PAX2: variants seen among roughly 807,000 people sequenced by gnomAD.
PAX2 encodes the protein paired box protein Pax-2.
A neutral mutation model predicts 41.7 loss-of-function variants in PAX2; 9 were observed. The observed-to-expected ratio is 0.22, with a 90% CI of 0.13 to 0.38. The LOEUF is 0.38. PAX2 is among the 10% of genes least tolerant of loss of function. The pLI, the probability that PAX2 is intolerant of heterozygous loss-of-function variation, is 1.00. For missense variants in PAX2, 418 were observed against 531.6 expected (o/e 0.79, Z 2.10); for synonymous variants, 221 against 212.7 (o/e 1.04, Z -0.34).
At chr10:100,823,210 C>G (rs1848428016) in intron 7 of PAX2, among the ~76,000 whole-genome samples, 1 of 152,106 alleles carries the variant, frequency 6.6e-6, no homozygotes. Context: ...TTATGATATT[C>G]AAGATCATAA....
chr10:100,804,565 T>C (rs867019239), intron 5 of PAX2, among the ~76,000 whole-genome samples: 22 of 152,146 alleles, frequency 1.4e-4, no homozygotes, highest in African/African-American at 5.3e-4. Context: ...GAAATGAGGA[T>C]GATGGCACAT....
At chr10:100,782,950 C>T (rs867383401) in intron 5 of PAX2, among the ~76,000 whole-genome samples, 20 of 152,216 alleles carry the variant, frequency 1.3e-4, no homozygotes, top group African/African-American at 4.6e-4. Flanking sequence ...GGTGAGAGGC[C>T]CAGCAGCCCA....
At chr10:100,746,394 G>A (rs1411271195) in intron 1 of PAX2, 91 bp downstream of exon 1, 12 of 912,068 alleles carry the variant, frequency 1.3e-5, no homozygotes, top group Non-Finnish European at 2.0e-5. Context: ...CTCGCGCTCA[G>A]GTCCCATCTT....
chr10:100,784,942 G>A (rs1013874402), intron 5 of PAX2, among the ~76,000 whole-genome samples: 3 of 152,154 alleles, frequency 2.0e-5, no homozygotes, highest in Admixed American at 6.5e-5. Flanking sequence ...AAGAGCCCAG[G>A]AGCTCCCAGA....
chr10:100,791,927 G>A lies in PAX2; in HGVS notation c.616+10562G>A, dbSNP rs1847135160. ...GCTTGTAGGAGCCGCCTGGGTGAGG[G>A]ACAGTGTGGGTGGTCTTGGGCAGTG... On this transcript the variant is annotated intron_variant, in intron 5 of 9. Coordinates refer to ENST00000355243, the MANE Select transcript of PAX2 (RefSeq NM_000278.5). The surrounding 1 kb of genome is among the most constrained non-coding windows in gnomAD (Gnocchi z 4.5). 1.3e-5 allele frequency among the ~76,000 whole-genome samples: 2 copies of A among 152,220 alleles called. No individual in the cohort carries two copies. The highest frequency in any genetic ancestry group is 6.5e-5 in the Admixed American group (1 of 15,290).
rs1305241690 is a variant in PAX2, at chr10:100,827,684, C to A, written c.*65C>A. On this transcript the variant is annotated 3_prime_UTR_variant, in exon 10 of 10. Transcript: ENST00000355243. The surrounding 1 kb of genome is among the most constrained non-coding windows in gnomAD (Gnocchi z 8.5). ...CGGCCTCCACATCGTCCCCGTCTGACCCCACCCCGGAGGGAGGGAGGACCG... is the reference window on the plus strand; with the variant it reads ...CGGCCTCCACATCGTCCCCGTCTGAACCCACCCCGGAGGGAGGGAGGACCG... 2 of 1,612,930 alleles carry A rather than the reference C, an allele frequency of 1.2e-6. No homozygotes were observed. The highest frequency in any genetic ancestry group is 8.5e-7 in the Non-Finnish European group (1 of 1,179,640).
At chr10:100,746,809 A>C (rs770585358) in intron 1 of PAX2, among the ~76,000 whole-genome samples, 8 of 152,134 alleles carry the variant, frequency 5.3e-5, no homozygotes, top group Non-Finnish European at 1.0e-4. Context: ...GGAGACTCCA[A>C]GAGTATTCAG....
At chr10:100,749,512 G>A (rs1340824939) in intron 1 of PAX2, 3 of 1,325,786 alleles carry the variant, frequency 2.3e-6, no homozygotes, top group Non-Finnish European at 1.9e-6. Context: ...TCTACCTTGC[G>A]TCGCAAGGCC....
rs990904704 is a variant in PAX2 at position 100,748,702 on chromosome 10, G to C, written c.44-1044G>C. On this transcript the variant is annotated intron_variant, in intron 1 of 9. Coordinates refer to ENST00000355243, the MANE Select transcript of PAX2 (RefSeq NM_000278.5). This position sits in a 1 kb window ranked among gnomAD's most constrained non-coding sequence, Gnocchi z 5.0. ...CAGTGGCCGCCTCGGTTCCGAGATCGGGAGCCCGCGCTGGAGCCGGGTTGG... is the reference window on the plus strand; with the variant it reads ...CAGTGGCCGCCTCGGTTCCGAGATCCGGAGCCCGCGCTGGAGCCGGGTTGG... 1.0e-6 allele frequency: 1 copy of C among 985,390 alleles called. No homozygotes were observed. Among genetic ancestry groups the C allele is most frequent in the Non-Finnish European group, 1.2e-6 (1 of 829,976 alleles). 61.0% of individuals were successfully genotyped at this position (985,390 alleles called of 1,614,324 possible). A position where few individuals can be genotyped will look rare whatever the true frequency, so the allele number is the denominator to read the frequency against.
In PAX2 at chr10:100,821,340, G is replaced by C. The variant is rs1227937496; in HGVS notation, c.920-3308G>C. 3.6e-4 allele frequency among the ~76,000 whole-genome samples: 55 copies of C among 152,172 alleles called. 2 individuals are homozygous for C. Among genetic ancestry groups the C allele is most frequent in the Non-Finnish European group, 1.0e-4 (7 of 68,028 alleles). On this transcript the variant is annotated intron_variant, in intron 7 of 9. Coordinates refer to ENST00000355243, the MANE Select transcript of PAX2 (RefSeq NM_000278.5). ...TTGCTGGCTCAGGGGTCCTGAACAG[G>C]GTACTCCTTTGTGGAGATACTGGTG... is the stretch of plus-strand genomic sequence containing the variant.
chr10:100,768,776 T>C (rs538446904), intron 3 of PAX2, among the ~76,000 whole-genome samples: 6 of 152,322 alleles, frequency 3.9e-5, no homozygotes, highest in Admixed American at 2.0e-4. Context: ...TAATTATATG[T>C]CAATTGAAAA....
At chr10:100,799,558 G>A (rs764626735) in intron 5 of PAX2, among the ~76,000 whole-genome samples, 12 of 152,170 alleles carry the variant, frequency 7.9e-5, no homozygotes, top group Non-Finnish European at 1.8e-4. Flanking sequence ...TTCAGAGTCC[G>A]ACATCCCTGA....
rs1339935149 is a variant in PAX2, at chr10:100,781,266, C to T, written c.517C>T (p.Pro173Ser). Residue 173 changes from proline (P) to serine (S), a missense_variant, in exon 5 of 10, where the codon CCT (proline) becomes TCT (serine). This residue lies in a region of PAX2 where 310 missense variants were observed against 325.2 expected (regional missense o/e 0.95). Coordinates refer to ENST00000355243, the MANE Select transcript of PAX2 (RefSeq NM_000278.5). ...TCCAGTTCCCAGCACGGCCTCCCCT[C>T]CTGTTTCCAGCGCCTCCAATGACCC... ...HTIVPSTASP[P>S]VSSASNDPVG... 6.2e-7 allele frequency: 1 copy of T among 1,613,946 alleles called. No homozygotes were observed. Among genetic ancestry groups the T allele is most frequent in the African/African-American group, 1.3e-5 (1 of 74,934 alleles).
chr10:100,749,972 G>A lies in PAX2; in HGVS notation c.212+58G>A, dbSNP rs1845374164. On this transcript the variant is annotated intron_variant, in intron 2 of 9. Coordinates refer to ENST00000355243, the MANE Select transcript of PAX2 (RefSeq NM_000278.5). Reference sequence around the variant, plus strand: ...TTGCCTACTTCCCCGGCCAGCCCTGGGTCTCCAGCTGGAGGACGTGGCTAA... The same window carrying A: ...TTGCCTACTTCCCCGGCCAGCCCTGAGTCTCCAGCTGGAGGACGTGGCTAA... The A allele has an allele frequency of 2.5e-6, 4 of 1,579,330 alleles. 1 individual carries two copies. Among genetic ancestry groups the A allele is most frequent in the Admixed American group, 1.8e-5 (1 of 56,558 alleles).
Position 100,745,959 on chromosome 10 carries a change from CA to C in PAX2, c.-301del, listed in dbSNP as rs1845150077. On this transcript the variant is annotated 5_prime_UTR_variant, in exon 1 of 10. An upstream start codon of the reference 5' UTR is lost. Transcript: ENST00000355243. ...CCCTGGCTGCAGCTGCAGCGCGAGC[CA>C]TGCGCCCCCAGTGCACCCCGGCCCG... The C allele has an allele frequency of 1.5e-6, 2 of 1,296,992 alleles. No homozygotes were observed. The highest frequency in any genetic ancestry group is 2.0e-6 in the Non-Finnish European group (2 of 1,024,088). 80.3% of individuals were successfully genotyped at this position (1,296,992 alleles called of 1,614,324 possible). A position where few individuals can be genotyped will look rare whatever the true frequency, so the allele number is the denominator to read the frequency against.
chr10:100,748,222 C>A lies in PAX2; in HGVS notation c.44-1524C>A. The A allele has an allele frequency of 5.1e-6, 5 of 985,102 alleles. No homozygotes were observed. The highest frequency in any genetic ancestry group is 6.0e-6 in the Non-Finnish European group (5 of 829,870). 61.0% of individuals were successfully genotyped at this position (985,102 alleles called of 1,614,324 possible). A position where few individuals can be genotyped will look rare whatever the true frequency, so the allele number is the denominator to read the frequency against. ...TCATCTTTAATCTGCCCGCAGCTGC[C>A]GCCTTTTCATACCGGTAACGCGAGT... On this transcript the variant is annotated intron_variant, in intron 1 of 9. Transcript: ENST00000355243. This position sits in a 1 kb window ranked among gnomAD's most constrained non-coding sequence, Gnocchi z 5.0.
rs59663467 is a variant in PAX2, at chr10:100,764,680, C to CTGTG, written c.410+13805_410+13808dup. The stretch of plus-strand genomic sequence containing the variant: ...AACTTTGAGAGCCCAGACCTTGTGG[C>CTGTG]TGTGTGTGTGTGTGTGTGTACTTTG... On this transcript the variant is annotated intron_variant, in intron 3 of 9. Coordinates refer to ENST00000355243, the MANE Select transcript of PAX2 (RefSeq NM_000278.5). Among the ~76,000 whole-genome samples the CTGTG allele has an allele frequency of 2.4e-3, 363 of 150,344 alleles. 1 individual carries two copies. Among genetic ancestry groups the CTGTG allele is most frequent in the Admixed American group, 4.6e-3 (69 of 15,046 alleles).
Position 100,746,145 on chromosome 10 carries a change from C to A in PAX2, c.-116C>A. 6 of 1,550,900 alleles carry A rather than the reference C, an allele frequency of 3.9e-6. No homozygotes were observed. The highest frequency in any genetic ancestry group is 1.2e-5 in the South Asian group (1 of 85,716). ...CCCCGCGCGCCCCGCAGCAGCCGGG[C>A]GTTCACTCATCCTCCCTCCCCCACC... On this transcript the variant is annotated 5_prime_UTR_variant, in exon 1 of 10. Transcript: ENST00000355243.
At chr10:100,740,012 C>T (rs1456814829) in intron 1 of PAX2, among the ~76,000 whole-genome samples, 1 of 152,224 alleles carries the variant, frequency 6.6e-6, no homozygotes, top group African/African-American at 2.4e-5. Context: ...CTCTAAGGTC[C>T]TCTTTCTTCC....
Sources: gnomAD v4.1 joint callset for allele counts (sites outside exome capture counted in the v4.1 genomes callset) on GRCh38, gnomAD v4.1.1 for gene constraint, gnomAD v4.1.1 regional missense constraint, Gnocchi (gnomAD v3.1) non-coding constraint, MANE v1.5 for transcripts, NCBI Gene and HGNC (gene_info 2026-07-23, HGNC 2026-07-21) for gene names.